Variants in RGS6 observed in about 807,000 individuals in gnomAD.
RGS6 encodes the protein regulator of G-protein signaling 6.
Under a neutral mutation model 78.5 loss-of-function variants are expected in RGS6, and 30 were observed. That is an observed-to-expected ratio of 0.38 (90% CI 0.29 to 0.52). The LOEUF (loss-of-function observed/expected upper bound fraction) is 0.52. RGS6 is among the 20% of genes least tolerant of loss of function. RGS6 has a pLI of 0.85. For missense variants in RGS6, 495 were observed against 609.7 expected, an observed-to-expected ratio of 0.81 and a Z score of 1.98; for synonymous variants, 206 against 206.0, an observed-to-expected ratio of 1.00 and a Z score of 0.00.
chr14:72,215,299 A>G (rs1398362992), intron 2 of RGS6, among the ~76,000 whole-genome samples: 5 of 152,118 alleles, frequency 3.3e-5, no homozygotes, highest in Admixed American at 6.5e-5. Context: ...GGCTGTGTCT[A>G]TTTCTGAGTG....
the RGS6 span, among the ~76,000 whole-genome samples, chr14:72,612,866 G>A: frequency 1.3e-5 from 2 of 152,222 alleles, no homozygotes; most frequent in Non-Finnish European, 2.9e-5. Flanking sequence ...TGGCTGTGCA[G>A]AGGCTGAGAG....
intron 12 of RGS6, among the ~76,000 whole-genome samples, chr14:72,494,230 GCAAA>G (rs2096614944): frequency 6.6e-6 from 1 of 152,162 alleles, no homozygotes; most frequent in African/African-American, 2.4e-5. Context: ...TAGCTGAACA[GCAAA>G]CAATTTTTAT....
At chr14:71,868,330 A>G in the RGS6 span, among the ~76,000 whole-genome samples, 1 of 152,222 alleles carries the variant, frequency 6.6e-6, no homozygotes, top group South Asian at 2.1e-4. Context: ...AAGTGATTGA[A>G]GAGCTATGGG....
At chr14:72,600,984 G>C in the RGS6 span, among the ~76,000 whole-genome samples, 1 of 149,834 alleles carries the variant, frequency 6.7e-6, no homozygotes, top group Non-Finnish European at 1.5e-5. Flanking sequence ...GGAGCAGGGA[G>C]AGGAAGAGGA....
At chr14:71,956,234 G>T (rs1391815563) in intron 1 of RGS6, among the ~76,000 whole-genome samples, 1 of 151,960 alleles carries the variant, frequency 6.6e-6, no homozygotes, top group African/African-American at 2.4e-5. Context: ...GCTTGGGGTT[G>T]GTGGATAGTT....
chr14:71,990,404 C>A, intron 2 of RGS6: 1 of 357,734 alleles, frequency 2.8e-6, no homozygotes, highest in Non-Finnish European at 5.5e-6. Context: ...GTGTTCTGCT[C>A]AGTAAAAGGT....
At chr14:72,200,187 C>T (rs2041169112) in intron 2 of RGS6, among the ~76,000 whole-genome samples, 1 of 152,200 alleles carries the variant, frequency 6.6e-6, no homozygotes, top group Non-Finnish European at 1.5e-5. Context: ...CTATTCTCAA[C>T]ATAGATTCCT....
chr14:71,998,676 G>A (rs2082829959), intron 2 of RGS6, among the ~76,000 whole-genome samples: 1 of 152,210 alleles, frequency 6.6e-6, no homozygotes, highest in African/African-American at 2.4e-5. Flanking sequence ...CCTTGCTTGA[G>A]TACATTTAAT....
At chr14:72,542,264 T>G (rs753605726) in intron 17 of RGS6, among the ~76,000 whole-genome samples, 2 of 152,220 alleles carry the variant, frequency 1.3e-5, no homozygotes, top group Non-Finnish European at 2.9e-5. Context: ...AAGATGTGGC[T>G]AAGTTTGGGG....
At chr14:72,439,733 C>T (rs1830272521) in intron 3 of RGS6, among the ~76,000 whole-genome samples, 1 of 152,182 alleles carries the variant, frequency 6.6e-6, no homozygotes, top group African/African-American at 2.4e-5. Flanking sequence ...GGGTACAAGG[C>T]TTCAACTGAT....
intron 2 of RGS6, among the ~76,000 whole-genome samples, chr14:72,323,852 A>C (rs1488208716): frequency 6.8e-6 from 1 of 147,662 alleles, no homozygotes; most frequent in African/African-American, 2.5e-5. Flanking sequence ...CTATTGTAAA[A>C]CTACAGAAGT....
intron 3 of RGS6, among the ~76,000 whole-genome samples, chr14:72,392,464 C>G (rs1019064774): frequency 2.6e-5 from 4 of 152,090 alleles, no homozygotes; most frequent in African/African-American, 9.7e-5. Context: ...ACAGGATATG[C>G]CGGCTCCCAT....
At position 72,355,529 on chromosome 14, in the gene RGS6, G is replaced by A. The variant is rs1027268501; in HGVS notation, c.184+3335G>A. On this transcript the variant is annotated intron_variant, in intron 3 of 17. Coordinates refer to ENST00000553525, the MANE Select transcript of RGS6 (RefSeq NM_001204424.2). Reference sequence around the variant, plus strand: ...ATTTATTCATTTAGATATTTATTGAGTGTTCACTATTTTCTAAGCATTGTT... The same window carrying A: ...ATTTATTCATTTAGATATTTATTGAATGTTCACTATTTTCTAAGCATTGTT... 5.3e-5 allele frequency among the ~76,000 whole-genome samples: 8 copies of A among 152,180 alleles called. No homozygotes were observed. In the East Asian group the frequency reaches 1.3e-3, roughly 26 times the overall value.
intron 2 of RGS6, among the ~76,000 whole-genome samples, chr14:72,182,430 A>G (rs1449373356): frequency 6.6e-6 from 1 of 151,864 alleles, no homozygotes; most frequent in East Asian, 1.9e-4. Context: ...AAAAAAAAAA[A>G]AAAAAGCAAG....
chr14:71,924,608 C>CT, the RGS6 span, among the ~76,000 whole-genome samples: 2 of 152,142 alleles, frequency 1.3e-5, no homozygotes, highest in African/African-American at 4.8e-5. Flanking sequence ...ATGTATTTGA[C>CT]TTTTTAAAGA....
At position 72,476,782 on chromosome 14, in the gene RGS6, C is replaced by T. The variant is rs758574910; in HGVS notation, c.734C>T (p.Pro245Leu). ...ACTGAAGAGTCCCAGGCACAGAGCC[C>T]GGTGCATGTACTCAGCCAACCAATC... ...GVTEESQAQS[P>L]VHVLSQPIRK... Residue 245 changes from proline (P) to leucine (L), a missense_variant, in exon 11 of 18, where the codon CCG (proline) becomes CTG (leucine). Coordinates refer to ENST00000553525, the MANE Select transcript of RGS6 (RefSeq NM_001204424.2). 8.7e-6 allele frequency: 14 copies of T among 1,614,042 alleles called. No individual in the cohort carries two copies. Among genetic ancestry groups the T allele is most frequent in the South Asian group, 2.2e-5 (2 of 91,074 alleles).
intron 2 of RGS6, among the ~76,000 whole-genome samples, chr14:72,259,751 C>T (rs1482799635): frequency 6.9e-6 from 1 of 145,894 alleles, no homozygotes; most frequent in Admixed American, 6.8e-5. Flanking sequence ...ACTAAAAATA[C>T]AAAAAAAAAA....
At chr14:71,920,818 C>T in the RGS6 span, among the ~76,000 whole-genome samples, 5 of 152,152 alleles carry the variant, frequency 3.3e-5, no homozygotes, top group African/African-American at 9.7e-5. Flanking sequence ...TTAGATATGA[C>T]CCCAGAAGCA....
rs555954696 is a variant in RGS6 at position 72,126,891 on chromosome 14, TC to T, written c.84+162020del. On this transcript the variant is annotated intron_variant, in intron 2 of 17. Transcript: ENST00000553525. ...CCACCACTACTTCCTTTAAACCTCA[TC>T]CCCAACTCCACATCCCATCATCATC... 7.9e-5 allele frequency among the ~76,000 whole-genome samples: 12 copies of T among 152,244 alleles called. 1 individual carries two copies. The South Asian group carries it at 2.3e-3, about 29-fold the overall frequency.
Sources: allele counts gnomAD v4.1 joint callset (sites outside exome capture counted in the v4.1 genomes callset), GRCh38; gene constraint gnomAD v4.1.1; transcripts MANE v1.5; gene names NCBI Gene and HGNC (gene_info 2026-07-23, HGNC 2026-07-21).